FNBP1L: variants seen among roughly 807,000 people sequenced by gnomAD.
FNBP1L encodes the protein formin-binding protein 1-like.
Under a neutral mutation model 91.2 loss-of-function variants are expected in FNBP1L, and 36 were observed. The ratio of observed to expected loss-of-function variants is 0.39; its 90% CI spans 0.30 to 0.52. The LOEUF (loss-of-function observed/expected upper bound fraction) is 0.52. Ranked by LOEUF, FNBP1L falls within the 20% of genes least tolerant of loss-of-function variation. FNBP1L has a pLI of 0.66. For missense variants in FNBP1L, 571 were observed against 732.1 expected (o/e 0.78, Z 2.54); for synonymous variants, 242 against 237.0 (o/e 1.02, Z -0.19).
chr1:93,530,777 G>T lies in FNBP1L; in HGVS notation c.533G>T (p.Arg178Leu). ...TAGGCCAAACAGCAGTTGAATCTGCGTACGCATATGGCCGATGAAAATAAA... is the reference window on the plus strand; with the variant it reads ...TAGGCCAAACAGCAGTTGAATCTGCTTACGCATATGGCCGATGAAAATAAA... ...VEKAKQQLNL[R>L]THMADENKNE... The change falls in exon 7 of 17, where the codon CGT (arginine) becomes CTT (leucine). Residue 178 changes from arginine to leucine, a missense_variant. Physicochemically the swap from Arg to Leu is moderately radical, Grantham distance 102. Coordinates refer to ENST00000271234, the MANE Select transcript of FNBP1L (RefSeq NM_001164473.3). 1 of 1,595,594 alleles carries T rather than the reference G, an allele frequency of 6.3e-7. No individual in the cohort carries two copies.
intron 1 of FNBP1L, among the ~76,000 whole-genome samples, chr1:93,462,446 A>G (rs1466262846): frequency 6.6e-6 from 1 of 152,190 alleles, no homozygotes; most frequent in East Asian, 1.9e-4. Context: ...CATTATTATT[A>G]ACTAAAGGCC....
intron 2 of FNBP1L, among the ~76,000 whole-genome samples, chr1:93,516,990 C>T (rs1418564115): frequency 6.6e-6 from 1 of 151,468 alleles, no homozygotes; most frequent in South Asian, 2.1e-4. Context: ...AGAACAACTT[C>T]TTCTTCACCC....
At chr1:93,551,822 A>G in intron 16 of FNBP1L, 1 of 985,424 alleles carries the variant, frequency 1.0e-6, no homozygotes, top group Non-Finnish European at 1.2e-6. Context: ...TCAATAATTT[A>G]CAAGCTTCCT....
At position 93,534,914 on chromosome 1, in the gene FNBP1L, AG is replaced by A; in HGVS notation, c.990+7del. On this transcript the variant is annotated splice_region_variant and intron_variant, in intron 9 of 16. Transcript: ENST00000271234. ...TCTTTGGAAAGAAGCCAAAGGTAAA[AG>A]TCATAAAATTCCTATATGCTAATCA... The A allele has an allele frequency of 6.4e-7, 1 of 1,558,408 alleles. No individual in the cohort carries two copies. The highest frequency in any genetic ancestry group is 8.7e-7 in the Non-Finnish European group (1 of 1,150,426).
intron 2 of FNBP1L, among the ~76,000 whole-genome samples, chr1:93,520,968 G>A (rs987212519): frequency 6.4e-4 from 97 of 152,096 alleles, no homozygotes; most frequent in East Asian, 3.9e-4. Flanking sequence ...CCTGAACCCC[G>A]GAGGCAGAGG....
In FNBP1L at chr1:93,543,394, A is replaced by C. The variant is rs925577158; in HGVS notation, c.1165-713A>C. ...AGACATCAAGGATCTTTCCTAAAGA[A>C]GGATTTTATCCTTCTTTCAGTAACA... On this transcript the variant is annotated intron_variant, in intron 11 of 16. Transcript: ENST00000271234. 5.3e-5 allele frequency among the ~76,000 whole-genome samples: 8 copies of C among 152,312 alleles called. No homozygotes were observed. In the East Asian group the frequency reaches 1.5e-3, roughly 29 times the overall value.
chr1:93,551,045 G>T lies in FNBP1L; in HGVS notation c.1750G>T (p.Gly584Cys). Residue 584 changes from glycine to cysteine, a missense_variant, in exon 16 of 17, where the codon GGT becomes TGT. By Grantham distance (159) the Gly-to-Cys change is radical (BLOSUM62 -3). Transcript: ENST00000271234. Reference protein sequence around the residue: ...DGWTRARRQNGEEGYVPTSYI... With the variant: ...DGWTRARRQNCEEGYVPTSYI... ...ATGGACAAGAGCTCGGAGACAGAAC[G>T]GTGAAGAAGGCTACGTTCCCACGTC... 1 of 1,612,744 alleles carries T rather than the reference G, an allele frequency of 6.2e-7. No homozygotes were observed. The highest frequency in any genetic ancestry group is 8.5e-7 in the Non-Finnish European group (1 of 1,179,206).
intron 1 of FNBP1L, among the ~76,000 whole-genome samples, chr1:93,452,420 A>G (rs1668527841): frequency 6.6e-6 from 1 of 152,220 alleles, no homozygotes; most frequent in African/African-American, 2.4e-5. Flanking sequence ...GTCAAGTAAA[A>G]TGGTAAAAGG....
At chr1:93,454,411 A>C (rs1668590242) in intron 1 of FNBP1L, among the ~76,000 whole-genome samples, 2 of 152,142 alleles carry the variant, frequency 1.3e-5, no homozygotes, top group Admixed American at 6.5e-5. Flanking sequence ...AAAAATTCAC[A>C]GAAGAAAATC....
chr1:93,553,577 C>T lies in FNBP1L; in HGVS notation c.*1161C>T, dbSNP rs1672487031. 6.6e-6 allele frequency: 1 copy of T among 152,596 alleles called. No homozygotes were observed. The highest frequency in any genetic ancestry group is 1.9e-4 in the East Asian group (1 of 5,198). 9.5% of individuals were successfully genotyped at this position (152,596 alleles called of 1,614,324 possible). On this transcript the variant is annotated 3_prime_UTR_variant, in exon 17 of 17. Transcript: ENST00000271234. ...ATTGTCTTTTTATTTTGGGTTATGA[C>T]GATCATGTTTGATAATTACAATGAT... is the stretch of plus-strand genomic sequence containing the variant.
intron 2 of FNBP1L, among the ~76,000 whole-genome samples, chr1:93,516,825 A>T (rs1671138339): frequency 6.6e-6 from 1 of 152,178 alleles, no homozygotes; most frequent in African/African-American, 2.4e-5. Context: ...AAACCATTGA[A>T]CTTAAAAGTA....
At chr1:93,496,781 TG>T (rs1670277293) in intron 1 of FNBP1L, among the ~76,000 whole-genome samples, 1 of 152,154 alleles carries the variant, frequency 6.6e-6, no homozygotes, top group African/African-American at 2.4e-5. Context: ...GTCTCCCATC[TG>T]GGCCTTCCCA....
intron 8 of FNBP1L, among the ~76,000 whole-genome samples, chr1:93,534,197 T>A (rs1434884326): frequency 6.6e-6 from 1 of 152,202 alleles, no homozygotes; most frequent in Non-Finnish European, 1.5e-5. Flanking sequence ...ATATATTTAA[T>A]TTATTTATCT....
At chr1:93,521,913 T>G (rs1340257157) in intron 2 of FNBP1L, among the ~76,000 whole-genome samples, 169 bp from the exon 3 acceptor site, 1 of 152,198 alleles carries the variant, frequency 6.6e-6, no homozygotes, top group East Asian at 1.9e-4. Flanking sequence ...AAGAACAAAT[T>G]GTAAGTAATG....
intron 1 of FNBP1L, chr1:93,488,257 T>A (rs1410438082): frequency 2.0e-5 from 3 of 152,284 alleles, no homozygotes; most frequent in African/African-American, 7.2e-5. Flanking sequence ...TTGCTCTGAG[T>A]TCGGGGTGTG....
Position 93,546,713 on chromosome 1 carries a change from G to A in FNBP1L, c.1275-129G>A, listed in dbSNP as rs1672252409. ...AATTGTCTTTAATCAGGTCATGTTAGACAAACTTAAAAAGATGTGACTCTA... is the reference window on the plus strand; with the variant it reads ...AATTGTCTTTAATCAGGTCATGTTAAACAAACTTAAAAAGATGTGACTCTA... On this transcript the variant is annotated intron_variant, in intron 12 of 16. Transcript: ENST00000271234. 43 of 953,942 alleles carry A rather than the reference G, an allele frequency of 4.5e-5. No individual in the cohort carries two copies. The South Asian group carries it at 6.8e-4, about 15-fold the overall frequency. 59.1% of individuals were successfully genotyped at this position (953,942 alleles called of 1,614,324 possible).
At chr1:93,545,838 C>T (rs761431409) in intron 12 of FNBP1L, among the ~76,000 whole-genome samples, 19 of 102,518 alleles carry the variant, frequency 1.9e-4, no homozygotes, top group Non-Finnish European at 1.2e-4. Context: ...GAAGAGAAAA[C>T]ATGGAGGAAG....
At chr1:93,452,585 A>AT (rs897396624) in intron 1 of FNBP1L, among the ~76,000 whole-genome samples, 2 of 152,220 alleles carry the variant, frequency 1.3e-5, no homozygotes, top group Non-Finnish European at 2.9e-5. Flanking sequence ...TGGTTAGACC[A>AT]TATCTGTAAT....
chr1:93,463,611 C>T (rs1455552893), intron 1 of FNBP1L, among the ~76,000 whole-genome samples: 2 of 152,158 alleles, frequency 1.3e-5, no homozygotes, highest in Non-Finnish European at 2.9e-5. Context: ...AATTCCTACT[C>T]CAGTGATTTT....
Sources: allele counts gnomAD v4.1 joint callset (sites outside exome capture counted in the v4.1 genomes callset), GRCh38; gene constraint gnomAD v4.1.1; transcripts MANE v1.5; gene names NCBI Gene and HGNC (gene_info 2026-07-23, HGNC 2026-07-21).